PCDH15: variants seen among roughly 807,000 people sequenced by gnomAD.
PCDH15 encodes protocadherin related 15.
PCDH15 carries 129 observed loss-of-function variants against 178.5 expected under a neutral mutation model. The observed-to-expected ratio is 0.72, with a 90% CI of 0.63 to 0.84. PCDH15 has a LOEUF of 0.84. Among genes scored for constraint, PCDH15 ranks in the 40% least tolerant of loss-of-function variants. The probability of loss-of-function intolerance (pLI) is 0.00; values close to 1 mark genes in which losing one functional copy is unlikely to be tolerated. For missense variants in PCDH15, 2,230 were observed against 2,099.9 expected (o/e 1.06, Z -1.21); for synonymous variants, 800 against 732.0 (o/e 1.09, Z -1.50).
intron 2 of PCDH15, among the ~76,000 whole-genome samples, chr10:55,371,136 A>G (rs1480596628): frequency 2.6e-5 from 4 of 152,244 alleles, no homozygotes; most frequent in Non-Finnish European, 2.9e-5. Flanking sequence ...GGAAAGGACA[A>G]TTTTTAAAGA....
chr10:54,937,511 G>A lies in PCDH15; in HGVS notation c.-79-40011C>T, dbSNP rs917545992. Among the ~76,000 whole-genome samples the A allele has an allele frequency of 6.0e-5, 9 of 151,250 alleles. No homozygotes were observed. In the South Asian group the frequency reaches 6.3e-4, roughly 11 times the overall value. ...TTTTTAAAATAATGTTCTCTAGTTC[G>A]CCGTGTCTAAGACTTTCACTTATTT... is the stretch of plus-strand genomic sequence containing the variant. On this transcript the variant is annotated intron_variant, in intron 2 of 5. Coordinates refer to the PCDH15 transcript ENST00000458638.
intron 23 of PCDH15, among the ~76,000 whole-genome samples, chr10:53,952,173 C>T (rs899873750): frequency 5.9e-5 from 9 of 152,154 alleles, no homozygotes; most frequent in South Asian, 4.1e-4. Flanking sequence ...ATGTGGCAAG[C>T]GGGGAGGCAT....
intron 3 of PCDH15, among the ~76,000 whole-genome samples, chr10:54,380,731 T>TATGCTCCATATATATATATATATATAC (rs1949128156): frequency 1.7e-4 from 9 of 51,982 alleles, no homozygotes; most frequent in African/African-American, 6.2e-4. Context: ...TATATATATA[T>TATGCTCCATATATATATATATATATAC]ATATATATAT....
intron 2 of PCDH15, among the ~76,000 whole-genome samples, chr10:55,164,761 T>A (rs1839153960): frequency 6.6e-6 from 1 of 152,112 alleles, no homozygotes; most frequent in African/African-American, 2.4e-5. Flanking sequence ...GACTACCATT[T>A]TACACCTCTG....
intron 3 of PCDH15, among the ~76,000 whole-genome samples, chr10:54,422,011 GCAGA>G (rs1409601466): frequency 6.8e-6 from 1 of 147,122 alleles, no homozygotes; most frequent in Non-Finnish European, 1.5e-5. Context: ...TTTTAACTTT[GCAGA>G]CAAAGTTGAT....
chr10:54,280,536 T>A (rs1157363020), intron 8 of PCDH15, among the ~76,000 whole-genome samples: 1 of 151,816 alleles, frequency 6.6e-6, no homozygotes, highest in African/African-American at 2.4e-5. Flanking sequence ...TGCTTTTATC[T>A]ATTCAATTTC....
At chr10:53,930,255 G>A (rs2084929282) in intron 25 of PCDH15, among the ~76,000 whole-genome samples, 1 of 151,710 alleles carries the variant, frequency 6.6e-6, no homozygotes, top group Non-Finnish European at 1.5e-5. Flanking sequence ...TCAGGAGATC[G>A]AGATCATCCT....
At chr10:55,242,315 C>T (rs1841565011) in intron 1 of PCDH15, among the ~76,000 whole-genome samples, 1 of 152,054 alleles carries the variant, frequency 6.6e-6, no homozygotes, top group Non-Finnish European at 1.5e-5. Context: ...GAGAATGGAT[C>T]AATCCCAACT....
At chr10:54,459,369 T>C (rs971108353) in intron 3 of PCDH15, among the ~76,000 whole-genome samples, 23 of 152,048 alleles carry the variant, frequency 1.5e-4, no homozygotes, top group African/African-American at 5.6e-4. Flanking sequence ...AGCTTGATGT[T>C]TTCATGAAAA....
chr10:55,001,296 C>G (rs184953138), intron 2 of PCDH15, among the ~76,000 whole-genome samples: 2 of 152,120 alleles, frequency 1.3e-5, no homozygotes, highest in Non-Finnish European at 2.9e-5. Context: ...TTCCCGGATG[C>G]GGGACAAGAA....
upstream of PCDH15, among the ~76,000 whole-genome samples, chr10:55,321,376 A>G (rs912606209): frequency 5.3e-5 from 8 of 152,176 alleles, no homozygotes; most frequent in Non-Finnish European, 1.0e-4. Flanking sequence ...ACTCATTATC[A>G]TCCCTGAAAA....
chr10:55,047,006 T>G (rs960115850), intron 2 of PCDH15, among the ~76,000 whole-genome samples: 1 of 151,908 alleles, frequency 6.6e-6, no homozygotes, highest in Non-Finnish European at 1.5e-5. Context: ...ACATGACAGC[T>G]TGCAGCATTT....
intron 21 of PCDH15, among the ~76,000 whole-genome samples, chr10:53,975,703 T>C (rs2660175): frequency 0.43 from 64,806 of 151,888 alleles, 14,100 homozygotes; most frequent in Middle Eastern, 0.61. Flanking sequence ...ATAAACACTT[T>C]CTCTTATTCT....
At chr10:55,316,325 A>C (rs1843721274) in intron 1 of PCDH15, among the ~76,000 whole-genome samples, 1 of 152,158 alleles carries the variant, frequency 6.6e-6, no homozygotes, top group African/African-American at 2.4e-5. Context: ...CTAGATTAAT[A>C]AATTATTTTA....
chr10:55,310,030 T>C (rs1460620673), intron 1 of PCDH15, among the ~76,000 whole-genome samples: 1 of 152,212 alleles, frequency 6.6e-6, no homozygotes. Context: ...TTTTCACTTT[T>C]ATATTTTCCT....
chr10:54,522,192 T>C (rs530615388), intron 3 of PCDH15, among the ~76,000 whole-genome samples: 3 of 152,026 alleles, frequency 2.0e-5, no homozygotes, highest in Admixed American at 2.0e-4. Context: ...TGCTATGACA[T>C]TGAGTGATGA....
chr10:54,006,855 C>T (rs186476804), intron 20 of PCDH15, among the ~76,000 whole-genome samples: 12 of 152,184 alleles, frequency 7.9e-5, no homozygotes, highest in Admixed American at 5.2e-4. Context: ...CTTCATTTCT[C>T]GTCATTTCAC....
intron 3 of PCDH15, among the ~76,000 whole-genome samples, chr10:54,807,471 G>A (rs1591712383): frequency 6.6e-6 from 1 of 151,890 alleles, no homozygotes; most frequent in East Asian, 1.9e-4. Flanking sequence ...AACACAAACT[G>A]TAGGATAGTG....
intron 21 of PCDH15, among the ~76,000 whole-genome samples, chr10:53,978,511 G>C (rs549512646): frequency 1.3e-5 from 2 of 152,182 alleles, no homozygotes; most frequent in East Asian, 3.9e-4. Flanking sequence ...TCCCTCTTAG[G>C]CCTCTGAGTG....
Sources: gnomAD v4.1 joint callset for allele counts (sites outside exome capture counted in the v4.1 genomes callset) on GRCh38, gnomAD v4.1.1 for gene constraint, MANE v1.5 for transcripts, NCBI Gene and HGNC (gene_info 2026-07-23, HGNC 2026-07-21) for gene names.